MBD2: variants seen among roughly 807,000 people sequenced by gnomAD.
The protein encoded by MBD2 is methyl-CpG binding domain protein 2, also known as methyl-CpG-binding domain protein 2.
Under a neutral mutation model 39.3 loss-of-function variants are expected in MBD2, and 9 were observed. The observed-to-expected ratio is 0.23, with a 90% CI of 0.14 to 0.40. The LOEUF is 0.40. Among genes scored for constraint, MBD2 ranks in the 10% least tolerant of loss-of-function variants. The probability of loss-of-function intolerance (pLI) is 1.00; values close to 1 mark genes in which losing one functional copy is unlikely to be tolerated. For missense variants in MBD2, 458 were observed against 532.6 expected (o/e 0.86, Z 1.38); for synonymous variants, 233 against 211.1 (o/e 1.10, Z -0.90).
chr18:54,215,263 TGTCATG>T (rs2086547461), intron 1 of MBD2, among the ~76,000 whole-genome samples: 1 of 152,314 alleles, frequency 6.6e-6, no homozygotes, highest in African/African-American at 2.4e-5. Flanking sequence ...ATTTGGAAAC[TGTCATG>T]GTAACTTGAC....
intron 2 of MBD2, among the ~76,000 whole-genome samples, chr18:54,201,590 CG>C (rs1370254986): frequency 5.9e-5 from 9 of 152,120 alleles, no homozygotes; most frequent in African/African-American, 2.2e-4. Context: ...TGGCCGGGCA[CG>C]GTGGCTCACA....
intron 6 of MBD2, among the ~76,000 whole-genome samples, chr18:54,157,884 C>G (rs779948833): frequency 6.6e-6 from 1 of 152,180 alleles, no homozygotes; most frequent in Non-Finnish European, 1.5e-5. Flanking sequence ...CTTTCTCCAG[C>G]TATATCTCAG....
chr18:54,156,519 G>T (rs1266829180), intron 6 of MBD2, among the ~76,000 whole-genome samples: 1 of 152,090 alleles, frequency 6.6e-6, no homozygotes, highest in Non-Finnish European at 1.5e-5. Flanking sequence ...ATAAACAAGG[G>T]TATAGCCTGG....
chr18:54,186,843 T>C (rs549085304), intron 3 of MBD2, among the ~76,000 whole-genome samples: 12 of 152,308 alleles, frequency 7.9e-5, no homozygotes, highest in African/African-American at 2.9e-4. Context: ...CCTCAAAAGA[T>C]CTGGGTTGAA....
intron 1 of MBD2, among the ~76,000 whole-genome samples, chr18:54,208,779 G>A (rs1284139779): frequency 6.6e-6 from 1 of 152,144 alleles, no homozygotes; most frequent in Non-Finnish European, 1.5e-5. Flanking sequence ...GTTATCCACT[G>A]CAGCTGAAAA....
intron 2 of MBD2, chr18:54,203,117 T>C (rs1354472057): frequency 2.5e-6 from 4 of 1,612,456 alleles, no homozygotes; most frequent in Non-Finnish European, 1.7e-6. Context: ...AGCAGAAAAG[T>C]GCACACAAAC....
At chr18:54,207,282 T>A (rs957985564) in intron 1 of MBD2, among the ~76,000 whole-genome samples, 3 of 152,134 alleles carry the variant, frequency 2.0e-5, no homozygotes, top group African/African-American at 7.2e-5. Flanking sequence ...CACAGCAACA[T>A]CCTGCCTATC....
At chr18:54,173,480 G>A (rs1295012389) in intron 3 of MBD2, among the ~76,000 whole-genome samples, 1 of 152,216 alleles carries the variant, frequency 6.6e-6, no homozygotes, top group African/African-American at 2.4e-5. Context: ...TAGAAAGAAG[G>A]AGAGAAGAGT....
chr18:54,212,350 CTA>C (rs1288614787), intron 1 of MBD2, among the ~76,000 whole-genome samples: 2 of 152,092 alleles, frequency 1.3e-5, no homozygotes, highest in African/African-American at 4.8e-5. Flanking sequence ...TAATTATTGC[CTA>C]TGTTAGGCAA....
chr18:54,181,010 C>T (rs149171071), intron 3 of MBD2, among the ~76,000 whole-genome samples: 1,605 of 148,900 alleles, frequency 0.011, 11 homozygotes, highest in Middle Eastern at 0.021. Context: ...AATTCTCATG[C>T]GTCAGCTTCC....
chr18:54,211,518 C>G (rs2086507691), intron 1 of MBD2, among the ~76,000 whole-genome samples: 1 of 152,052 alleles, frequency 6.6e-6, no homozygotes, highest in South Asian at 2.1e-4. Context: ...TCCTACAATG[C>G]ACCATCCTCA....
chr18:54,180,890 ATTTTTTCTTTTTCT>A (rs2086245805), intron 3 of MBD2, among the ~76,000 whole-genome samples: 1 of 114,570 alleles, frequency 8.7e-6, no homozygotes, highest in African/African-American at 3.7e-5. Flanking sequence ...GTATTCCTTA[ATTTTTTCTTTTTCT>A]TTTTTTTTTT....
At chr18:54,204,530 T>A (rs542061371) in intron 2 of MBD2, among the ~76,000 whole-genome samples, 1 of 152,226 alleles carries the variant, frequency 6.6e-6, no homozygotes, top group South Asian at 2.1e-4. Context: ...CGGAAAAATA[T>A]CCAAACATAG....
In MBD2 at chr18:54,159,889, C is replaced by T. The variant is rs1429900056; in HGVS notation, c.1124G>A (p.Arg375Gln). 5 of 1,612,244 alleles carry T rather than the reference C, an allele frequency of 3.1e-6. No individual in the cohort carries two copies. The highest frequency in any genetic ancestry group is 1.7e-5 in the Admixed American group (1 of 60,014). Residue 375 changes from arginine (R) to glutamine (Q), a missense_variant, in exon 6 of 7, where the codon CGA (arginine) becomes CAA (glutamine). Arg to Gln is a conservative substitution (Grantham distance 43, BLOSUM62 1). Coordinates refer to ENST00000256429, the MANE Select transcript of MBD2 (RefSeq NM_003927.5). ...CAATTTCTTGCGTACTTGCTGTACT[C>T]GCTCTTCCTGTTTCCTTTTTAAAAA... ...TDEDIRKQEE[R>Q]VQQVRKKLEE...
rs1298796793 is a variant in MBD2 at position 54,151,609 on chromosome 18, T to G, written c.*3715A>C. 1 of 152,188 alleles carries G rather than the reference T, an allele frequency of 6.6e-6. No individual in the cohort carries two copies. The highest frequency in any genetic ancestry group is 1.5e-5 in the Non-Finnish European group (1 of 68,026). The allele number at this position is 152,188 out of a possible 1,614,324, so 9.4% of individuals were successfully genotyped here. Reference sequence around the variant, plus strand: ...TGAAGATGACTTACACAAACAGTTTTAAAGCTTCAAAATTTATTGCTGTAC... The same window carrying G: ...TGAAGATGACTTACACAAACAGTTTGAAAGCTTCAAAATTTATTGCTGTAC... On this transcript the variant is annotated 3_prime_UTR_variant, in exon 7 of 7. Coordinates refer to ENST00000256429, the MANE Select transcript of MBD2 (RefSeq NM_003927.5).
Position 54,192,701 on chromosome 18 carries a change from A to C in MBD2, c.703-3690T>G, listed in dbSNP as rs1036910765. On this transcript the variant is annotated intron_variant, in intron 2 of 6. Coordinates refer to ENST00000256429, the MANE Select transcript of MBD2 (RefSeq NM_003927.5). Reference sequence around the variant, plus strand: ...GGATGACTGGAGGCAACTACTCTAAACTGTTTCAAACTATGAATCCTGAAT... The same window carrying C: ...GGATGACTGGAGGCAACTACTCTAACCTGTTTCAAACTATGAATCCTGAAT... 5.3e-5 allele frequency among the ~76,000 whole-genome samples: 8 copies of C among 152,310 alleles called. No homozygotes were observed. In the East Asian group the frequency reaches 1.5e-3, roughly 29 times the overall value.
intron 3 of MBD2, among the ~76,000 whole-genome samples, chr18:54,168,780 C>A (rs1433224524): frequency 6.6e-6 from 1 of 151,474 alleles, no homozygotes; most frequent in Admixed American, 6.6e-5. Context: ...CCTCTCCAAC[C>A]TTTCCAACAC....
chr18:54,173,617 A>G lies in MBD2; in HGVS notation c.841-7451T>C, dbSNP rs561909393. ...GTTCTGGCCAGATCTATGCAATACA[A>G]TCTATGCAATAAGGAAGGGAACCTT... On this transcript the variant is annotated intron_variant, in intron 3 of 6. Coordinates refer to ENST00000256429, the MANE Select transcript of MBD2 (RefSeq NM_003927.5). 2.0e-3 allele frequency among the ~76,000 whole-genome samples: 303 copies of G among 152,326 alleles called. 1 individual carries two copies. The highest frequency in any genetic ancestry group is 3.5e-3 in the Non-Finnish European group (241 of 68,026).
At chr18:54,206,898 C>T (rs1005911832) in intron 1 of MBD2, among the ~76,000 whole-genome samples, 3 of 152,136 alleles carry the variant, frequency 2.0e-5, no homozygotes, top group African/African-American at 7.2e-5. Context: ...CAATATTGTC[C>T]GAAACTTGAA....
Sources: gnomAD v4.1 joint callset for allele counts (sites outside exome capture counted in the v4.1 genomes callset) on GRCh38, gnomAD v4.1.1 for gene constraint, MANE v1.5 for transcripts, NCBI Gene and HGNC (gene_info 2026-07-23, HGNC 2026-07-21) for gene names.